The following CAMTA1 variants were observed in gnomAD, a reference collection of about 807,000 sequenced individuals.
CAMTA1 encodes calmodulin binding transcription activator 1.
Under a neutral mutation model 170.9 loss-of-function variants are expected in CAMTA1, and 27 were observed. The observed-to-expected ratio is 0.16, with a 90% CI of 0.12 to 0.22. The LOEUF is 0.22. CAMTA1 is among the 10% of genes least tolerant of loss of function. CAMTA1 has a pLI of 1.00. For missense variants in CAMTA1, 1,619 were observed against 2,217.2 expected (o/e 0.73, Z 5.42); for synonymous variants, 833 against 891.5 (o/e 0.93, Z 1.17).
intron 11 of CAMTA1, among the ~76,000 whole-genome samples, chr1:7,700,335 T>C (rs2096425480): frequency 6.6e-6 from 1 of 152,234 alleles, no homozygotes; most frequent in Non-Finnish European, 1.5e-5. Context: ...TTTAAAATAT[T>C]TTCTATTTCT....
At chr1:7,038,920 A>G (rs1411498344) in intron 3 of CAMTA1, among the ~76,000 whole-genome samples, 1 of 152,076 alleles carries the variant, frequency 6.6e-6, no homozygotes, top group Non-Finnish European at 1.5e-5. Flanking sequence ...GGCGCCTGTA[A>G]TCCCAGCTAC....
chr1:6,799,492 C>T (rs930204194), intron 1 of CAMTA1, among the ~76,000 whole-genome samples: 1 of 152,224 alleles, frequency 6.6e-6, no homozygotes, highest in African/African-American at 2.4e-5. Flanking sequence ...CTCTCCATGG[C>T]CTCCATACCT....
chr1:7,194,721 A>C (rs1211963977), intron 4 of CAMTA1, among the ~76,000 whole-genome samples: 1 of 152,132 alleles, frequency 6.6e-6, no homozygotes. Context: ...ATCTGCCTAG[A>C]GCTTAGTAAG....
intron 4 of CAMTA1, among the ~76,000 whole-genome samples, chr1:7,244,634 C>G (rs1011116717): frequency 1.3e-5 from 2 of 152,064 alleles, no homozygotes; most frequent in African/African-American, 2.4e-5. Flanking sequence ...AGCAAACTAT[C>G]GCAAGGACAA....
At chr1:7,039,123 A>G (rs2101284461) in intron 3 of CAMTA1, among the ~76,000 whole-genome samples, 1 of 152,332 alleles carries the variant, frequency 6.6e-6, no homozygotes, top group South Asian at 2.1e-4. Context: ...TCTGGTGGTA[A>G]TTTGCTGGAA....
chr1:7,022,589 C>A (rs1701515354), intron 3 of CAMTA1, among the ~76,000 whole-genome samples: 1 of 152,188 alleles, frequency 6.6e-6, no homozygotes. Context: ...GGTAGTGTAG[C>A]CCACTTGCTG....
At chr1:7,111,758 GCC>G (rs1644054265) in intron 4 of CAMTA1, among the ~76,000 whole-genome samples, 1 of 152,028 alleles carries the variant, frequency 6.6e-6, no homozygotes, top group Admixed American at 6.6e-5. Flanking sequence ...GGTGGCACAT[GCC>G]TGTAGTCCCA....
intron 3 of CAMTA1, among the ~76,000 whole-genome samples, chr1:6,937,102 TACCATC>T (rs1340952772): frequency 6.6e-6 from 1 of 151,238 alleles, no homozygotes; most frequent in Admixed American, 6.6e-5. Flanking sequence ...ATTCACCACT[TACCATC>T]ACCATCACCA....
intron 5 of CAMTA1, among the ~76,000 whole-genome samples, chr1:7,402,858 C>T (rs2090007029): frequency 1.3e-5 from 2 of 152,288 alleles, no homozygotes; most frequent in Middle Eastern, 3.4e-3. Context: ...CAGACAGTGT[C>T]CCTGCTGAGA....
chr1:7,377,463 A>G (rs1191411435), intron 5 of CAMTA1, among the ~76,000 whole-genome samples: 1 of 152,216 alleles, frequency 6.6e-6, no homozygotes, highest in Non-Finnish European at 1.5e-5. Flanking sequence ...CTCAGGCCCC[A>G]GATATTCTCC....
chr1:7,594,578 C>A lies in CAMTA1; in HGVS notation c.511-45822C>A, dbSNP rs955848475. 2.6e-5 allele frequency among the ~76,000 whole-genome samples: 4 copies of A among 152,162 alleles called. 1 individual carries two copies. Among genetic ancestry groups the A allele is most frequent in the South Asian group, 4.1e-4 (2 of 4,834 alleles). The stretch of plus-strand genomic sequence containing the variant: ...TGGTTGTTTGCAAAGTCTGGGCTGG[C>A]GGCCTGCAGAGCTACTGGAAGGCCC... On this transcript the variant is annotated intron_variant, in intron 6 of 22. Transcript: ENST00000303635.
chr1:7,239,825 A>G (rs144536683), intron 4 of CAMTA1, among the ~76,000 whole-genome samples: 9 of 152,030 alleles, frequency 5.9e-5, no homozygotes, highest in Non-Finnish European at 1.2e-4. Flanking sequence ...TTTGTGCTAC[A>G]TCATCGCGTG....
At position 7,255,721 on chromosome 1, in the gene CAMTA1, A is replaced by C. The variant is rs143795259; in HGVS notation, c.438+6095A>C. 6.2e-4 allele frequency among the ~76,000 whole-genome samples: 95 copies of C among 152,360 alleles called. 1 individual carries two copies. Among genetic ancestry groups the C allele is most frequent in the African/African-American group, 2.2e-3 (90 of 41,580 alleles). ...CAAATCTAAGTAACAAGGAGTCTCC[A>C]CAGAGTGTCTACAGAATCTACCCCA... On this transcript the variant is annotated intron_variant, in intron 5 of 22. Coordinates refer to ENST00000303635, the MANE Select transcript of CAMTA1 (RefSeq NM_015215.4).
intron 6 of CAMTA1, among the ~76,000 whole-genome samples, chr1:7,488,852 C>T (rs1040968714): frequency 2.2e-4 from 34 of 152,118 alleles, no homozygotes; most frequent in African/African-American, 8.0e-4. Context: ...ATGATATACA[C>T]ATACATATAT....
At chr1:7,467,038 G>A (rs943641250) in intron 5 of CAMTA1, among the ~76,000 whole-genome samples, 8 of 152,052 alleles carry the variant, frequency 5.3e-5, no homozygotes, top group African/African-American at 1.7e-4. Flanking sequence ...TCAGAGCAGG[G>A]CGGCCTTCCT....
At chr1:7,295,696 C>A (rs959836883) in intron 5 of CAMTA1, among the ~76,000 whole-genome samples, 2 of 152,120 alleles carry the variant, frequency 1.3e-5, no homozygotes, top group African/African-American at 4.8e-5. Flanking sequence ...CCTGAAGATT[C>A]AAAAATGAAC....
chr1:6,935,122 A>C (rs943865234), intron 3 of CAMTA1, among the ~76,000 whole-genome samples: 1 of 152,206 alleles, frequency 6.6e-6, no homozygotes, highest in Non-Finnish European at 1.5e-5. Context: ...TTTATTCTAG[A>C]ATTTGATGAC....
intron 6 of CAMTA1, among the ~76,000 whole-genome samples, chr1:7,601,747 T>C (rs370310582): frequency 0.019 from 2,865 of 152,244 alleles, 237 homozygotes; most frequent in Admixed American, 0.14. Flanking sequence ...GAGACCAGCC[T>C]GGCCAACACA....
At chr1:7,531,572 C>T (rs1443824359) in intron 6 of CAMTA1, among the ~76,000 whole-genome samples, 1 of 152,220 alleles carries the variant, frequency 6.6e-6, no homozygotes, top group Non-Finnish European at 1.5e-5. Context: ...TTCTGGCCCA[C>T]TACGGGTCTC....
Sources: allele counts gnomAD v4.1 joint callset (sites outside exome capture counted in the v4.1 genomes callset), GRCh38; gene constraint gnomAD v4.1.1; transcripts MANE v1.5; gene names NCBI Gene and HGNC (gene_info 2026-07-23, HGNC 2026-07-21).